The following IQGAP2 variants were observed in gnomAD, a reference collection of about 807,000 sequenced individuals.
IQGAP2 encodes IQ motif containing GTPase activating protein 2, also known as ras GTPase-activating-like protein IQGAP2.
In IQGAP2, 173 loss-of-function variants were observed where a neutral mutation model predicts 201.3. The ratio of observed to expected loss-of-function variants is 0.86; its 90% confidence interval spans 0.76 to 0.98. The LOEUF (loss-of-function observed/expected upper bound fraction) is 0.98, where lower values mean the gene tolerates loss of function less well. IQGAP2 is among the 50% of genes least tolerant of loss of function. The pLI, the probability that IQGAP2 is intolerant of heterozygous loss-of-function variation, is 0.00. For synonymous variants in IQGAP2, 675 were observed against 673.9 expected, an observed-to-expected ratio of 1.00 and a Z score of -0.03; for missense variants, 1,687 against 1,864.8, an observed-to-expected ratio of 0.90 and a Z score of 1.76.
Position 76,481,769 on chromosome 5 carries a change from A to C in IQGAP2, c.146+20100A>C, listed in dbSNP as rs144690408. Among the ~76,000 whole-genome samples the C allele has an allele frequency of 2.0e-5, 3 of 152,358 alleles. No homozygotes were observed. In the East Asian group the frequency reaches 5.8e-4, roughly 29 times the overall value. On this transcript the variant is annotated intron_variant, in intron 2 of 35. Transcript: ENST00000274364. ...TAACTGATGTGTATTTTACGCTTACAGGACACTGCAGCTCAGACTAGCTGC... is the reference window on the plus strand; with the variant it reads ...TAACTGATGTGTATTTTACGCTTACCGGACACTGCAGCTCAGACTAGCTGC...
intron 1 of IQGAP2, among the ~76,000 whole-genome samples, chr5:76,425,209 C>G (rs532680530): frequency 1.3e-5 from 2 of 152,206 alleles, no homozygotes; most frequent in Admixed American, 1.3e-4. Flanking sequence ...GGGCTGCCCT[C>G]TCTAGTGGTT....
Position 76,589,109 on chromosome 5 carries a change from C to T in IQGAP2, c.526+136C>T, listed in dbSNP as rs571945852. On this transcript the variant is annotated intron_variant, in intron 6 of 35. Transcript: ENST00000274364. ...CGGGCGGATCACAAGGTCAGGAGATCGAGACCATCCTGACTAACAGTGAAA... is the reference window on the plus strand; with the variant it reads ...CGGGCGGATCACAAGGTCAGGAGATTGAGACCATCCTGACTAACAGTGAAA... The T allele has an allele frequency of 6.7e-3, 2,823 of 420,944 alleles. 12 individuals carry two copies. Among genetic ancestry groups the T allele is most frequent in the Admixed American group, 0.011 (259 of 23,702 alleles). The allele number at this position is 420,944 out of a possible 1,614,324, so 26.1% of individuals were successfully genotyped here.
chr5:76,562,761 C>T (rs1160774381), intron 3 of IQGAP2, among the ~76,000 whole-genome samples: 1 of 152,202 alleles, frequency 6.6e-6, no homozygotes, highest in Admixed American at 6.5e-5. Flanking sequence ...AGACCTCTGA[C>T]TTATGGGGCT....
chr5:76,700,811 A>C (rs1460934888), intron 33 of IQGAP2, among the ~76,000 whole-genome samples: 1 of 152,228 alleles, frequency 6.6e-6, no homozygotes, highest in Non-Finnish European at 1.5e-5. Context: ...TATACCTGAG[A>C]AAATAGAGTG....
Position 76,441,094 on chromosome 5 carries a change from A to G in IQGAP2, c.47-20476A>G, listed in dbSNP as rs568863829. Among the ~76,000 whole-genome samples, 51 of 151,394 alleles carry G rather than the reference A, an allele frequency of 3.4e-4. No homozygotes were observed. The South Asian group carries it at 9.8e-3, about 29-fold the overall frequency. ...CTGCATTGATGACAATCTAGGCCCTACAAATTACTGCTCAGTGTCCTTGTG... is the reference window on the plus strand; with the variant it reads ...CTGCATTGATGACAATCTAGGCCCTGCAAATTACTGCTCAGTGTCCTTGTG... On this transcript the variant is annotated intron_variant, in intron 1 of 35. Coordinates refer to ENST00000274364, the MANE Select transcript of IQGAP2 (RefSeq NM_006633.5).
Position 76,695,610 on chromosome 5 carries a change from A to T in IQGAP2, c.4150A>T (p.Thr1384Ser). The change falls in exon 32 of 36, where the codon ACT becomes TCT. Residue 1384 changes from threonine (T) to serine (S), a missense_variant. Thr to Ser is a moderately conservative substitution (Grantham distance 58). Coordinates refer to ENST00000274364, the MANE Select transcript of IQGAP2 (RefSeq NM_006633.5). ...GAGGAATCTTCGGACGTTGGAACAG[A>T]CTGGACACGTGTCATCCGAAAATAA... is the stretch of plus-strand genomic sequence containing the variant. The part of the protein sequence containing the change: ...IQRNLRTLEQ[T>S]GHVSSENKYQ... 1 of 1,614,194 alleles carries T rather than the reference A, an allele frequency of 6.2e-7. No individual in the cohort carries two copies. Among genetic ancestry groups the T allele is most frequent in the South Asian group, 1.1e-5 (1 of 91,084 alleles).
chr5:76,611,354 T>TG (rs970032729), intron 13 of IQGAP2, among the ~76,000 whole-genome samples, 171 bp downstream of exon 13: 3 of 152,076 alleles, frequency 2.0e-5, no homozygotes, highest in Admixed American at 1.3e-4. Context: ...TAACAAACAT[T>TG]GGGGGGAAAC....
intron 13 of IQGAP2, chr5:76,618,279 C>CA (rs1749212877): frequency 2.5e-6 from 4 of 1,614,116 alleles, no homozygotes; most frequent in Non-Finnish European, 3.4e-6. Flanking sequence ...CAATGTAACA[C>CA]AAAAAAGAAA....
intron 1 of IQGAP2, chr5:76,404,547 T>G: frequency 1.1e-6 from 1 of 950,752 alleles, no homozygotes; most frequent in Non-Finnish European, 1.3e-6. Context: ...AGGTTTGGGT[T>G]AAGGTGGTGA....
At chr5:76,449,439 G>T (rs1344297391) in intron 1 of IQGAP2, among the ~76,000 whole-genome samples, 1 of 152,110 alleles carries the variant, frequency 6.6e-6, no homozygotes, top group African/African-American at 2.4e-5. Context: ...CTGTTAGATT[G>T]TAAACTGAGG....
chr5:76,452,857 C>CT (rs2150117051), intron 1 of IQGAP2, among the ~76,000 whole-genome samples: 1 of 150,872 alleles, frequency 6.6e-6, no homozygotes, highest in Non-Finnish European at 1.5e-5. Flanking sequence ...GCTAACCTCT[C>CT]TGAGTTTGTT....
chr5:76,498,510 CG>C (rs1292189812), intron 2 of IQGAP2, among the ~76,000 whole-genome samples: 2 of 152,136 alleles, frequency 1.3e-5, no homozygotes, highest in African/African-American at 4.8e-5. Flanking sequence ...AGCAGGGAGT[CG>C]GTTTGCATCT....
Position 76,652,761 on chromosome 5 carries a change from A to G in IQGAP2, c.2106A>G (p.Lys702=). ...ACTCTTTTCCTTAGGCTTTTTGGAA[A>G]GGATATAAACAACGGAAGGAGTATA... ...ENVVKIQAFW[K]GYKQRKEYMH... is the part of the protein sequence containing the mutation. Residue 702 remains lysine (K), a synonymous_variant, in exon 18 of 36, where the codon AAA becomes AAG. Transcript: ENST00000274364. 1.2e-6 allele frequency: 2 copies of G among 1,609,498 alleles called. No individual in the cohort carries two copies. The highest frequency in any genetic ancestry group is 1.1e-5 in the South Asian group (1 of 90,978).
chr5:76,464,067 C>T (rs529653985), intron 2 of IQGAP2, among the ~76,000 whole-genome samples: 5 of 152,130 alleles, frequency 3.3e-5, no homozygotes, highest in South Asian at 4.2e-4. Context: ...AGGCTGGTCT[C>T]GAACTCCTGA....
At chr5:76,503,640 G>A (rs1315542088) in intron 2 of IQGAP2, among the ~76,000 whole-genome samples, 3 of 152,010 alleles carry the variant, frequency 2.0e-5, no homozygotes, top group Non-Finnish European at 2.9e-5. Flanking sequence ...CACCCAGGCT[G>A]GAGTGTAGTG....
chr5:76,425,071 C>A lies in IQGAP2; in HGVS notation c.46+21480C>A, dbSNP rs1039096432. Among the ~76,000 whole-genome samples the A allele has an allele frequency of 6.6e-5, 10 of 152,208 alleles. No individual in the cohort carries two copies. The East Asian group carries it at 1.9e-3, about 29-fold the overall frequency. ...CACTGAGGAGGCATTCACAGTCAGA[C>A]CTTTCCTGCTTCTGCCTCCTCAGCT... On this transcript the variant is annotated intron_variant, in intron 1 of 35. Transcript: ENST00000274364.
At chr5:76,522,362 T>C (rs1758736924) in intron 2 of IQGAP2, among the ~76,000 whole-genome samples, 1 of 152,020 alleles carries the variant, frequency 6.6e-6, no homozygotes, top group Admixed American at 6.6e-5. Flanking sequence ...TTTGTATTTT[T>C]AGTAGAGATG....
chr5:76,608,810 T>TTTGAG (rs1289545398), intron 12 of IQGAP2: 1 of 228,640 alleles, frequency 4.4e-6, no homozygotes, highest in African/African-American at 2.2e-5. Flanking sequence ...AGTTTTCTTC[T>TTTGAG]TTGAGTTTTT....
chr5:76,408,104 T>C (rs1249109010), intron 1 of IQGAP2, among the ~76,000 whole-genome samples: 2 of 152,010 alleles, frequency 1.3e-5, no homozygotes, highest in African/African-American at 2.4e-5. Context: ...GAGGTTGCAA[T>C]AAGCCGAGAT....
Sources: allele counts gnomAD v4.1 joint callset (sites outside exome capture counted in the v4.1 genomes callset), GRCh38; gene constraint gnomAD v4.1.1; transcripts MANE v1.5; gene names NCBI Gene and HGNC (gene_info 2026-07-23, HGNC 2026-07-21).